The following RIMS2 variants were observed in gnomAD, a reference collection of about 807,000 sequenced individuals.
The protein encoded by RIMS2 is regulating synaptic membrane exocytosis 2.
Under a neutral mutation model 174.4 loss-of-function variants are expected in RIMS2, and 59 were observed. The ratio of observed to expected loss-of-function variants is 0.34; its 90% confidence interval spans 0.27 to 0.42. The LOEUF is 0.42. Ranked by LOEUF, RIMS2 falls within the 10% of genes least tolerant of loss-of-function variation. RIMS2 has a pLI of 1.00. For synonymous variants in RIMS2, 606 were observed against 572.5 expected (o/e 1.06, Z -0.84); for missense variants, 1,620 against 1,666.3 (o/e 0.97, Z 0.48).
intron 2 of RIMS2, among the ~76,000 whole-genome samples, chr8:103,759,980 T>C (rs2098090604): frequency 6.6e-6 from 1 of 152,194 alleles, no homozygotes; most frequent in Non-Finnish European, 1.5e-5. Context: ...AGAGAACTTG[T>C]CCAAAGGAGC....
At chr8:103,874,701 T>C (rs1261345451) in intron 3 of RIMS2, among the ~76,000 whole-genome samples, 1 of 152,090 alleles carries the variant, frequency 6.6e-6, no homozygotes, top group Non-Finnish European at 1.5e-5. Flanking sequence ...CATATCCACA[T>C]TTAAAAGAAA....
chr8:103,665,376 G>C (rs535173724), intron 1 of RIMS2, among the ~76,000 whole-genome samples: 1 of 152,254 alleles, frequency 6.6e-6, no homozygotes, highest in South Asian at 2.1e-4. Context: ...TATTATGTTT[G>C]CACATTACAC....
intron 17 of RIMS2, among the ~76,000 whole-genome samples, chr8:103,992,274 A>AATT (rs1565726059): frequency 1.9e-5 from 2 of 107,106 alleles, no homozygotes. Flanking sequence ...ATGTCCAGCT[A>AATT]TTTTTTTTTT....
intron 1 of RIMS2, among the ~76,000 whole-genome samples, chr8:103,565,662 G>A (rs1486980214): frequency 6.6e-6 from 1 of 152,158 alleles, no homozygotes; most frequent in Non-Finnish European, 1.5e-5. Context: ...AGAAGAATGA[G>A]ATGTAGAATT....
At chr8:103,820,933 A>T (rs1373846266) in intron 3 of RIMS2, among the ~76,000 whole-genome samples, 1 of 151,472 alleles carries the variant, frequency 6.6e-6, no homozygotes, top group Non-Finnish European at 1.5e-5. Flanking sequence ...ATTTAAATTA[A>T]AAAGCAAGTA....
At chr8:103,604,191 G>A (rs1226498059) in intron 1 of RIMS2, among the ~76,000 whole-genome samples, 1 of 150,776 alleles carries the variant, frequency 6.6e-6, no homozygotes, top group Non-Finnish European at 1.5e-5. Flanking sequence ...TGTAAGGAAG[G>A]GATCCAGTTT....
chr8:103,617,804 A>G (rs1229629108), intron 1 of RIMS2, among the ~76,000 whole-genome samples: 1 of 152,216 alleles, frequency 6.6e-6, no homozygotes, highest in African/African-American at 2.4e-5. Context: ...CCACAATGAC[A>G]TACCACCTCA....
chr8:103,542,325 T>C (rs1842922182), intron 1 of RIMS2, among the ~76,000 whole-genome samples: 1 of 152,102 alleles, frequency 6.6e-6, no homozygotes, highest in South Asian at 2.1e-4. Context: ...CAATAATGAA[T>C]AAGAGGCTAG....
chr8:104,071,687 T>C lies in RIMS2; in HGVS notation c.3334+57072T>C, dbSNP rs550509154. Among the ~76,000 whole-genome samples the C allele has an allele frequency of 2.0e-4, 30 of 152,198 alleles. 1 individual carries two copies. The highest frequency in any genetic ancestry group is 1.7e-3 in the Admixed American group (26 of 15,290). On this transcript the variant is annotated intron_variant, in intron 19 of 23. Transcript: ENST00000504942. ...TACTGACCTCGTGATCTGCCCGCCT[T>C]GGCCTCCCAAAGTGCTGGGATTACA...
At chr8:103,602,222 C>G (rs907191108) in intron 1 of RIMS2, among the ~76,000 whole-genome samples, 2 of 152,072 alleles carry the variant, frequency 1.3e-5, no homozygotes, top group South Asian at 4.2e-4. Context: ...CTCCTGACCT[C>G]ATGATCCGCC....
chr8:103,626,750 A>C (rs758675319), intron 1 of RIMS2, among the ~76,000 whole-genome samples: 3 of 152,174 alleles, frequency 2.0e-5, no homozygotes, highest in Non-Finnish European at 4.4e-5. Flanking sequence ...CGGGGGTGTC[A>C]TCACATATTG....
At chr8:103,518,248 ATAATT>A (rs1203966710) in intron 1 of RIMS2, among the ~76,000 whole-genome samples, 1 of 152,088 alleles carries the variant, frequency 6.6e-6, no homozygotes, top group Non-Finnish European at 1.5e-5. Flanking sequence ...GACTGTATAA[ATAATT>A]TATGCTATAA....
At chr8:103,812,331 G>GTTTTTTTTTTTTTTTTTTTTTTTTT (rs71575985) in intron 3 of RIMS2, among the ~76,000 whole-genome samples, 13 of 111,612 alleles carry the variant, frequency 1.2e-4, no homozygotes, top group African/African-American at 1.3e-4. Context: ...TTATTACCTT[G>GTTTTTTTTTTTTTTTTTTTTTTTTT]TTTTTTTTTT....
chr8:104,142,381 G>A (rs888655239), intron 19 of RIMS2, among the ~76,000 whole-genome samples: 14 of 151,856 alleles, frequency 9.2e-5, no homozygotes, highest in Non-Finnish European at 2.1e-4. Flanking sequence ...CACCCGCCTC[G>A]GCCTCCCAAA....
At chr8:104,110,974 A>G (rs1050474235) in intron 19 of RIMS2, among the ~76,000 whole-genome samples, 4 of 152,142 alleles carry the variant, frequency 2.6e-5, no homozygotes, top group Non-Finnish European at 5.9e-5. Context: ...TCCATTTCAA[A>G]CTTTGGCCTC....
At chr8:103,798,345 A>G (rs1054432729) in intron 3 of RIMS2, among the ~76,000 whole-genome samples, 1 of 152,190 alleles carries the variant, frequency 6.6e-6, no homozygotes, top group African/African-American at 2.4e-5. Context: ...GAAATTTGGG[A>G]GAAGTTTTGT....
At chr8:103,937,576 G>T (rs2081557697) in intron 13 of RIMS2, among the ~76,000 whole-genome samples, 2 of 152,154 alleles carry the variant, frequency 1.3e-5, no homozygotes, top group Non-Finnish European at 2.9e-5. Flanking sequence ...TTGATATGAA[G>T]AGGAAAATGC....
At chr8:103,527,378 CTTTATTT>C (rs1437669107) in intron 1 of RIMS2, among the ~76,000 whole-genome samples, 4 of 151,972 alleles carry the variant, frequency 2.6e-5, no homozygotes, top group Admixed American at 2.0e-4. Flanking sequence ...ATCCAGTATA[CTTTATTT>C]TTTATTTATT....
chr8:103,736,694 A>G (rs1407516448), intron 2 of RIMS2, among the ~76,000 whole-genome samples: 1 of 152,154 alleles, frequency 6.6e-6, no homozygotes. Flanking sequence ...TGGATTTTGT[A>G]TGGAAATAAA....
Sources: gnomAD v4.1 joint callset for allele counts (sites outside exome capture counted in the v4.1 genomes callset) on GRCh38, gnomAD v4.1.1 for gene constraint, MANE v1.5 for transcripts, NCBI Gene and HGNC (gene_info 2026-07-23, HGNC 2026-07-21) for gene names.